HSD17B12: variants seen among roughly 807,000 people sequenced by gnomAD.
HSD17B12 encodes hydroxysteroid 17-beta dehydrogenase 12.
A neutral mutation model predicts 39.3 loss-of-function variants in HSD17B12; 32 were observed. The ratio of observed to expected loss-of-function variants is 0.81; its 90% CI spans 0.61 to 1.09. The LOEUF (loss-of-function observed/expected upper bound fraction) is 1.09, where lower values mean the gene tolerates loss of function less well. Ranked by LOEUF, HSD17B12 falls within the 50% of genes least tolerant of loss-of-function variation. The probability of loss-of-function intolerance (pLI) is 0.00; values close to 1 mark genes in which losing one functional copy is unlikely to be tolerated. For missense variants in HSD17B12, 342 were observed against 382.9 expected, an observed-to-expected ratio of 0.89 and a Z score of 0.89; for synonymous variants, 150 against 146.7, an observed-to-expected ratio of 1.02 and a Z score of -0.16.
chr11:43,852,866 G>C (rs1218679544), intron 9 of HSD17B12: 5 of 152,234 alleles, frequency 3.3e-5, no homozygotes, highest in African/African-American at 1.2e-4. Context: ...TTCATACTTA[G>C]TATGAGTCTG....
At chr11:43,585,838 G>A in the HSD17B12 span, among the ~76,000 whole-genome samples, 4 of 152,102 alleles carry the variant, frequency 2.6e-5, no homozygotes, top group Non-Finnish European at 5.9e-5. Context: ...ATAATAAGGC[G>A]GGGTGGTGGG....
At chr11:43,775,503 A>G (rs1389966873) in intron 3 of HSD17B12, among the ~76,000 whole-genome samples, 1 of 151,404 alleles carries the variant, frequency 6.6e-6, no homozygotes, top group Non-Finnish European at 1.5e-5. Flanking sequence ...TTAAGTTTCA[A>G]CTCTTTTGTG....
At chr11:43,835,290 T>C (rs914865201) in intron 7 of HSD17B12, among the ~76,000 whole-genome samples, 1 of 152,118 alleles carries the variant, frequency 6.6e-6, no homozygotes, top group African/African-American at 2.4e-5. Flanking sequence ...TCACTAATTC[T>C]GCTTAGATGG....
chr11:43,743,743 C>T (rs892341194), intron 1 of HSD17B12, among the ~76,000 whole-genome samples: 14 of 152,196 alleles, frequency 9.2e-5, no homozygotes, highest in African/African-American at 2.9e-4. Flanking sequence ...CTGATTGGCC[C>T]GTTGATTGCA....
chr11:43,767,953 A>G (rs988080535), intron 3 of HSD17B12, among the ~76,000 whole-genome samples: 2 of 152,354 alleles, frequency 1.3e-5, no homozygotes, highest in Non-Finnish European at 2.9e-5. Context: ...GCATGTTTGG[A>G]AAACATACTC....
chr11:43,792,660 C>T (rs958990245), intron 3 of HSD17B12, among the ~76,000 whole-genome samples: 1 of 147,266 alleles, frequency 6.8e-6, no homozygotes, highest in African/African-American at 2.5e-5. Context: ...GATGGAGGAA[C>T]TGAATTGTCT....
At chr11:43,618,084 G>A in the HSD17B12 span, among the ~76,000 whole-genome samples, 1 of 152,012 alleles carries the variant, frequency 6.6e-6, no homozygotes, top group African/African-American at 2.4e-5. Context: ...CAAAAAACTT[G>A]GTGTCTTTTT....
chr11:43,576,201 G>C, the HSD17B12 span, among the ~76,000 whole-genome samples: 1 of 152,182 alleles, frequency 6.6e-6, no homozygotes, highest in Non-Finnish European at 1.5e-5. Flanking sequence ...ACGGGAGGGA[G>C]GGAGAATATA....
At chr11:43,778,362 G>C (rs1950731039) in intron 3 of HSD17B12, among the ~76,000 whole-genome samples, 1 of 151,984 alleles carries the variant, frequency 6.6e-6, no homozygotes, top group African/African-American at 2.4e-5. Flanking sequence ...CAACCAAAAG[G>C]AGTCCAGGAC....
chr11:43,577,613 C>G, the HSD17B12 span, among the ~76,000 whole-genome samples: 1 of 152,144 alleles, frequency 6.6e-6, no homozygotes, highest in Admixed American at 6.5e-5. Flanking sequence ...ACTTCATGCC[C>G]CCCATACCCC....
the HSD17B12 span, among the ~76,000 whole-genome samples, chr11:43,648,833 G>A: frequency 1.3e-4 from 20 of 152,304 alleles, no homozygotes; most frequent in East Asian, 3.7e-3. Flanking sequence ...CTGGGTTCAA[G>A]TGATTCTCCT....
At chr11:43,587,331 G>A in the HSD17B12 span, among the ~76,000 whole-genome samples, 42 of 151,942 alleles carry the variant, frequency 2.8e-4, no homozygotes, top group Admixed American at 1.3e-4. Flanking sequence ...AAAAAACCAG[G>A]CATTTTATAT....
At chr11:43,648,737 T>G in the HSD17B12 span, among the ~76,000 whole-genome samples, 1 of 138,180 alleles carries the variant, frequency 7.2e-6, no homozygotes, top group Non-Finnish European at 1.6e-5. Flanking sequence ...TTTTTTGTTT[T>G]TTTGTTTTGA....
At chr11:43,582,008 G>T in the HSD17B12 span, among the ~76,000 whole-genome samples, 1 of 152,194 alleles carries the variant, frequency 6.6e-6, no homozygotes, top group African/African-American at 2.4e-5. Context: ...GGGACCCGGA[G>T]GTGAGGCGAG....
At chr11:43,591,199 AC>A in the HSD17B12 span, among the ~76,000 whole-genome samples, 1 of 152,238 alleles carries the variant, frequency 6.6e-6, no homozygotes, top group Admixed American at 6.5e-5. Flanking sequence ...TTAAAGAAAT[AC>A]ATTTTTATTG....
intron 9 of HSD17B12, among the ~76,000 whole-genome samples, chr11:43,846,751 C>T (rs1310487429): frequency 2.0e-5 from 3 of 152,136 alleles, no homozygotes; most frequent in Non-Finnish European, 4.4e-5. Flanking sequence ...TTTATTAGAC[C>T]CTTGGCTAGA....
At chr11:43,744,336 A>C (rs938410605) in intron 1 of HSD17B12, among the ~76,000 whole-genome samples, 1 of 152,046 alleles carries the variant, frequency 6.6e-6, no homozygotes, top group Non-Finnish European at 1.5e-5. Flanking sequence ...ACTAAGTGAT[A>C]ATTGTAAAAG....
the HSD17B12 span, among the ~76,000 whole-genome samples, chr11:43,574,391 C>T: frequency 6.6e-6 from 1 of 152,180 alleles, no homozygotes; most frequent in Non-Finnish European, 1.5e-5. Context: ...TTCCTCCAGC[C>T]ATGATTGTAA....
chr11:43,853,964 G>A (rs1252053773), intron 9 of HSD17B12: 2 of 152,168 alleles, frequency 1.3e-5, no homozygotes, highest in African/African-American at 2.4e-5. Context: ...CTTATACTCT[G>A]TGTTGAATCA....
Sources: gnomAD v4.1 joint callset for allele counts (sites outside exome capture counted in the v4.1 genomes callset) on GRCh38, gnomAD v4.1.1 for gene constraint, MANE v1.5 for transcripts, NCBI Gene and HGNC (gene_info 2026-07-23, HGNC 2026-07-21) for gene names.